Variants in HNRNPM observed in about 807,000 individuals in gnomAD.
HNRNPM encodes the protein heterogeneous nuclear ribonucleoprotein M, also known as CEA receptor.
Under a neutral mutation model 73.1 loss-of-function variants are expected in HNRNPM, and 11 were observed. The ratio of observed to expected loss-of-function variants is 0.15; its 90% CI spans 0.09 to 0.25. The LOEUF is 0.25. HNRNPM is among the 10% of genes least tolerant of loss of function. The probability of loss-of-function intolerance (pLI) is 1.00; values close to 1 mark genes in which losing one functional copy is unlikely to be tolerated. For synonymous variants in HNRNPM, 407 were observed against 355.2 expected (o/e 1.15, Z -1.64); for missense variants, 789 against 1,067.9 (o/e 0.74, Z 3.64).
intron 1 of HNRNPM, among the ~76,000 whole-genome samples, chr19:8,453,775 C>T (rs996589546): frequency 6.6e-5 from 10 of 152,110 alleles, no homozygotes; most frequent in African/African-American, 2.4e-4. Context: ...TCTGTGCCTC[C>T]CTGTAGTCAG....
intron 14 of HNRNPM, 87 bp downstream of exon 14, chr19:8,486,492 C>A: frequency 8.3e-7 from 1 of 1,209,636 alleles, no homozygotes; most frequent in Non-Finnish European, 1.1e-6. Context: ...TCAGAGGTGG[C>A]GCCCTTCAAA....
intron 2 of HNRNPM, among the ~76,000 whole-genome samples, chr19:8,456,327 T>C (rs1445811602): frequency 6.6e-6 from 1 of 152,208 alleles, no homozygotes; most frequent in Non-Finnish European, 1.5e-5. Flanking sequence ...TCTCTCTCCT[T>C]CTTCCCTCCT....
In HNRNPM at chr19:8,457,283, G is replaced by T. The variant is rs562408418; in HGVS notation, c.283+1709G>T. 3.9e-5 allele frequency among the ~76,000 whole-genome samples: 6 copies of T among 152,322 alleles called. No individual in the cohort carries two copies. In the East Asian group the frequency reaches 1.2e-3, roughly 29 times the overall value. On this transcript the variant is annotated intron_variant, in intron 2 of 15. Coordinates refer to ENST00000325495, the MANE Select transcript of HNRNPM (RefSeq NM_005968.5). The stretch of plus-strand genomic sequence containing the variant: ...GGTTTGGGAAACCTTAAAGCTGGTA[G>T]TAGCAGCAGCAGCCATGGTGTTTCT...
At chr19:8,453,587 G>GT (rs1436072444) in intron 1 of HNRNPM, among the ~76,000 whole-genome samples, 11 of 151,234 alleles carry the variant, frequency 7.3e-5, no homozygotes, top group African/African-American at 2.7e-4. Flanking sequence ...TTGGCTTTTT[G>GT]GTTTTTTTTC....
chr19:8,474,974 CAA>C (rs1970403786), intron 12 of HNRNPM, among the ~76,000 whole-genome samples: 1 of 152,246 alleles, frequency 6.6e-6, no homozygotes, highest in South Asian at 2.1e-4. Context: ...CTCAGCCTCC[CAA>C]AGTGCTGGGA....
At chr19:8,472,562 T>G (rs1424456625) in intron 10 of HNRNPM, among the ~76,000 whole-genome samples, 1 of 152,170 alleles carries the variant, frequency 6.6e-6, no homozygotes, top group Non-Finnish European at 1.5e-5. Context: ...GTTTTTATTT[T>G]GAAGATTTTA....
intron 1 of HNRNPM, among the ~76,000 whole-genome samples, chr19:8,452,468 A>G (rs1423095648): frequency 6.6e-6 from 1 of 152,204 alleles, no homozygotes; most frequent in Non-Finnish European, 1.5e-5. Flanking sequence ...TTTGGCAGAT[A>G]GATTTTGTTT....
chr19:8,470,327 T>C (rs1469242635), intron 9 of HNRNPM, among the ~76,000 whole-genome samples: 6 of 152,208 alleles, frequency 3.9e-5, no homozygotes, highest in East Asian at 1.9e-4. Flanking sequence ...TTCCTTCCTT[T>C]CTTCCTTTTT....
Position 8,462,652 on chromosome 19 carries a change from C to A in HNRNPM, c.336+71C>A. 1.6e-6 allele frequency: 2 copies of A among 1,271,366 alleles called. No homozygotes were observed. Among genetic ancestry groups the A allele is most frequent in the Non-Finnish European group, 2.3e-6 (2 of 867,754 alleles). The allele number at this position is 1,271,366 out of a possible 1,614,324, so 78.8% of individuals were successfully genotyped here. A position where few individuals can be genotyped will look rare whatever the true frequency, so the allele number is the denominator to read the frequency against. ...ATGTAACTGTATGGTGGCGTGGAAT[C>A]GAATGAAATCAGGAAGGCAGTGAGT... On this transcript the variant is annotated intron_variant, in intron 3 of 15. Transcript: ENST00000325495. The surrounding 1 kb of genome is among the most constrained non-coding windows in gnomAD (Gnocchi z 4.5).
chr19:8,455,236 T>G (rs1361485083), intron 1 of HNRNPM, among the ~76,000 whole-genome samples, 169 bp from the exon 2 acceptor site: 2 of 152,142 alleles, frequency 1.3e-5, no homozygotes, highest in Non-Finnish European at 2.9e-5. Context: ...CCTTCTTGGC[T>G]TCCCAAAGTG....
intron 7 of HNRNPM, 135 bp downstream of exon 7, chr19:8,466,523 G>C: frequency 1.1e-6 from 1 of 926,272 alleles, no homozygotes; most frequent in Non-Finnish European, 1.7e-6. Flanking sequence ...CATTACTGTG[G>C]AATTAAGAGG....
intron 14 of HNRNPM, among the ~76,000 whole-genome samples, 157 bp downstream of exon 14, chr19:8,486,562 A>T (rs1037428060): frequency 2.0e-5 from 3 of 152,176 alleles, no homozygotes; most frequent in Non-Finnish European, 1.5e-5. Flanking sequence ...CAAGTAAGGA[A>T]TGTGAGAACT....
intron 15 of HNRNPM, chr19:8,487,583 CTG>C (rs1971404148): frequency 6.3e-6 from 1 of 158,490 alleles, no homozygotes; most frequent in African/African-American, 2.4e-5. Flanking sequence ...AGGGCTCTGT[CTG>C]TGGCTGAAAG....
Position 8,460,844 on chromosome 19 carries a change from CTA to C in HNRNPM, c.284-1683_284-1682del, listed in dbSNP as rs372974746. ...GGCCTCTTCAGTCACTATTTTGACACTATGTGGCATTTTCATCAAAGTGGAGA... is the reference window on the plus strand; with the variant it reads ...GGCCTCTTCAGTCACTATTTTGACACTGTGGCATTTTCATCAAAGTGGAGA... On this transcript the variant is annotated intron_variant, in intron 2 of 15. Coordinates refer to ENST00000325495, the MANE Select transcript of HNRNPM (RefSeq NM_005968.5). 3.1e-3 allele frequency among the ~76,000 whole-genome samples: 475 copies of C among 152,302 alleles called. 2 individuals carry two copies. Among genetic ancestry groups the C allele is most frequent in the East Asian group, 0.016 (82 of 5,196 alleles).
At chr19:8,470,866 T>G (rs1337079782) in intron 9 of HNRNPM, among the ~76,000 whole-genome samples, 1 of 152,188 alleles carries the variant, frequency 6.6e-6, no homozygotes, top group Non-Finnish European at 1.5e-5. Context: ...TCATTGTTAC[T>G]AAAACCACCC....
Position 8,445,012 on chromosome 19 carries a change from T to G in HNRNPM, c.14T>G (p.Val5Gly), listed in dbSNP as rs1181882124. The change falls in exon 1 of 16, where the codon GTC (valine) becomes GGC (glycine). Residue 5 changes from valine to glycine, a missense_variant. By Grantham distance (109) the Val-to-Gly change is moderately radical. Coordinates refer to ENST00000325495, the MANE Select transcript of HNRNPM (RefSeq NM_005968.5). MAAG[V>G]EAAAEVAATE... The stretch of plus-strand genomic sequence containing the variant: ...GACGCGGAGAAAATGGCGGCAGGGG[T>G]CGAAGCGGCGGCGGAGGTGGCGGCG... The G allele has an allele frequency of 2.8e-6, 4 of 1,416,962 alleles. No individual in the cohort carries two copies. Among genetic ancestry groups the G allele is most frequent in the East Asian group, 2.9e-5 (1 of 34,688 alleles). The allele number at this position is 1,416,962 out of a possible 1,614,324, so 87.8% of individuals were successfully genotyped here.
Position 8,485,680 on chromosome 19 carries a change from C to T in HNRNPM, c.1252C>T (p.Arg418Cys), listed in dbSNP as rs1394060360. 8 of 1,607,780 alleles carry T rather than the reference C, an allele frequency of 5.0e-6. No homozygotes were observed. Among genetic ancestry groups the T allele is most frequent in the African/African-American group, 1.3e-5 (1 of 74,790 alleles). ...CCGCCTCGGGGGTGCCGGCATGGAG[C>T]GCATGGGCGCGGGCCTGGGCCACGG... ...IDRLGGAGME[R>C]MGAGLGHGMD... is the part of the protein sequence containing the mutation. Residue 418 changes from arginine (R) to cysteine (C), a missense_variant, in exon 14 of 16, where the codon CGC (arginine) becomes TGC (cysteine). Around this residue, in one of 4 missense-constraint regions of HNRNPM, gnomAD observed 604 missense variants for 744.0 expected, o/e 0.81. Transcript: ENST00000325495.
At chr19:8,483,493 A>G (rs2145747975) in intron 13 of HNRNPM, among the ~76,000 whole-genome samples, 1 of 152,242 alleles carries the variant, frequency 6.6e-6, no homozygotes, top group East Asian at 1.9e-4. Flanking sequence ...GCACAGGCCG[A>G]CCATCTTCAT....
chr19:8,451,732 T>C (rs1417104578), intron 1 of HNRNPM, among the ~76,000 whole-genome samples: 2 of 152,140 alleles, frequency 1.3e-5, no homozygotes, highest in Non-Finnish European at 2.9e-5. Flanking sequence ...GGTTTTGCCA[T>C]GTTACCCAGG....
Sources: gnomAD v4.1 joint callset for allele counts (sites outside exome capture counted in the v4.1 genomes callset) on GRCh38, gnomAD v4.1.1 for gene constraint, gnomAD v4.1.1 regional missense constraint, Gnocchi (gnomAD v3.1) non-coding constraint, MANE v1.5 for transcripts, NCBI Gene and HGNC (gene_info 2026-07-23, HGNC 2026-07-21) for gene names.